EXT1: variants seen among roughly 807,000 people sequenced by gnomAD.
The protein encoded by EXT1 is exostosin glycosyltransferase 1, also known as exostosin-1.
Under a neutral mutation model 82.5 loss-of-function variants are expected in EXT1, and 20 were observed. The ratio of observed to expected loss-of-function variants is 0.24; its 90% CI spans 0.17 to 0.35. EXT1 has a LOEUF of 0.35. Among genes scored for constraint, EXT1 ranks in the 10% least tolerant of loss-of-function variants. The pLI is 1.00. For synonymous variants in EXT1, 348 were observed against 350.8 expected, an observed-to-expected ratio of 0.99 and a Z score of 0.09; for missense variants, 757 against 936.5, an observed-to-expected ratio of 0.81 and a Z score of 2.50.
chr8:118,021,857 A>C (rs1816108283), intron 1 of EXT1, among the ~76,000 whole-genome samples: 1 of 152,156 alleles, frequency 6.6e-6, no homozygotes, highest in East Asian at 1.9e-4. Context: ...AAGTGAAATT[A>C]TCTCCTTCTA....
intron 1 of EXT1, among the ~76,000 whole-genome samples, chr8:117,921,293 A>G (rs1457685826): frequency 6.6e-6 from 1 of 152,186 alleles, no homozygotes; most frequent in East Asian, 1.9e-4. Flanking sequence ...CAAGCACCTT[A>G]CAGATACTAC....
chr8:117,988,837 T>C (rs552718459), intron 1 of EXT1, among the ~76,000 whole-genome samples: 6 of 152,118 alleles, frequency 3.9e-5, no homozygotes, highest in Non-Finnish European at 8.8e-5. Flanking sequence ...CAACCCAGAA[T>C]TGGACAAGTG....
At chr8:118,042,618 C>T (rs1178120728) in intron 1 of EXT1, among the ~76,000 whole-genome samples, 2 of 152,132 alleles carry the variant, frequency 1.3e-5, no homozygotes, top group East Asian at 3.9e-4. Flanking sequence ...TTTTTTAATT[C>T]CAGTACTCCT....
chr8:117,843,633 C>G (rs1040442660), intron 1 of EXT1, among the ~76,000 whole-genome samples: 1 of 152,056 alleles, frequency 6.6e-6, no homozygotes, highest in Non-Finnish European at 1.5e-5. Context: ...TATGACATCT[C>G]CTAGAGCTCA....
At chr8:117,842,359 G>C (rs1414418600) in intron 1 of EXT1, among the ~76,000 whole-genome samples, 1 of 152,160 alleles carries the variant, frequency 6.6e-6, no homozygotes, top group East Asian at 1.9e-4. Context: ...ATAAAAGGTA[G>C]CTATTATCAT....
At chr8:117,842,487 C>T (rs1325425688) in intron 1 of EXT1, among the ~76,000 whole-genome samples, 2 of 152,200 alleles carry the variant, frequency 1.3e-5, no homozygotes, top group Non-Finnish European at 2.9e-5. Context: ...CCCAGCAAAT[C>T]ATTCAACTTC....
chr8:118,082,305 C>CA (rs1172544680), intron 1 of EXT1, among the ~76,000 whole-genome samples: 12 of 152,210 alleles, frequency 7.9e-5, no homozygotes, highest in Admixed American at 7.8e-4. Flanking sequence ...CACCATAACA[C>CA]AATGCAAAAA....
chr8:117,883,551 C>G (rs903962951), intron 1 of EXT1, among the ~76,000 whole-genome samples: 1 of 152,248 alleles, frequency 6.6e-6, no homozygotes, highest in African/African-American at 2.4e-5. Flanking sequence ...ATCCTTGAGT[C>G]CACTCAGTCT....
In EXT1 at chr8:117,830,339, G is replaced by T. The variant is rs374821962; in HGVS notation, c.1175C>A (p.Thr392Lys). The change falls in exon 4 of 11, where the codon ACA (threonine) becomes AAA (lysine). Residue 392 changes from threonine to lysine, a missense_variant. Thr to Lys is a moderately conservative substitution (Grantham distance 78, BLOSUM62 -1). Transcript: ENST00000378204. Reference protein sequence around the residue: ...DERLLLQIPSTIRSIHQDKIL... With the variant: ...DERLLLQIPSKIRSIHQDKIL... ...TTTATCCTGATGAATAGACCTGATT[G>T]TAGAAGGAATCTGTAACACAAGGTG... 6.2e-7 allele frequency: 1 copy of T among 1,614,010 alleles called. No homozygotes were observed.
chr8:117,897,207 T>C lies in EXT1; in HGVS notation c.963-60006A>G, dbSNP rs545217362. On this transcript the variant is annotated intron_variant, in intron 1 of 10. Coordinates refer to ENST00000378204, the MANE Select transcript of EXT1 (RefSeq NM_000127.3). ...GCATGTGGCTTTATCCCCTGTAACC[T>C]AGAGCTTGTAGAAATGAGAAAATTA... Among the ~76,000 whole-genome samples, 71 of 152,330 alleles carry C rather than the reference T, an allele frequency of 4.7e-4. 2 individuals carry two copies. Among genetic ancestry groups the C allele is most frequent in the South Asian group, 2.1e-4 (1 of 4,822 alleles).
At chr8:117,885,828 C>T (rs994324663) in intron 1 of EXT1, among the ~76,000 whole-genome samples, 2 of 152,180 alleles carry the variant, frequency 1.3e-5, no homozygotes, top group Admixed American at 6.5e-5. Flanking sequence ...TCCACATGTA[C>T]ACCTGGGGGC....
chr8:117,891,161 A>G (rs1813234710), intron 1 of EXT1, among the ~76,000 whole-genome samples: 1 of 152,234 alleles, frequency 6.6e-6, no homozygotes, highest in Admixed American at 6.5e-5. Context: ...AAGAACACCA[A>G]AAGGCCTTTC....
At chr8:117,827,087 C>T (rs1015569084) in intron 4 of EXT1, among the ~76,000 whole-genome samples, 18 of 152,144 alleles carry the variant, frequency 1.2e-4, no homozygotes, top group Admixed American at 1.1e-3. Context: ...ATCTGTAAGA[C>T]TGACAAGAGC....
intron 1 of EXT1, among the ~76,000 whole-genome samples, chr8:118,057,224 A>G (rs1260448877): frequency 6.6e-6 from 1 of 152,164 alleles, no homozygotes; most frequent in Non-Finnish European, 1.5e-5. Context: ...CTGGGCCATA[A>G]CAAGTCTCCT....
intron 8 of EXT1, among the ~76,000 whole-genome samples, chr8:117,809,668 A>G (rs1383271524): frequency 2.0e-5 from 3 of 151,580 alleles, no homozygotes; most frequent in East Asian, 3.9e-4. Context: ...CGGGGAAAAA[A>G]CCCGGGTGGT....
intron 1 of EXT1, among the ~76,000 whole-genome samples, chr8:117,927,403 G>C (rs1563603651): frequency 6.9e-6 from 1 of 145,116 alleles, no homozygotes; most frequent in African/African-American, 2.6e-5. Flanking sequence ...CTTTAAGCTA[G>C]ATTCCTCTGG....
chr8:117,817,599 G>A (rs778134952), intron 7 of EXT1, among the ~76,000 whole-genome samples: 8 of 152,080 alleles, frequency 5.3e-5, no homozygotes, highest in Non-Finnish European at 1.0e-4. Context: ...GGGGCTTAAA[G>A]AATATATGGG....
At chr8:117,808,572 C>T (rs1036247065) in intron 8 of EXT1, among the ~76,000 whole-genome samples, 1 of 152,202 alleles carries the variant, frequency 6.6e-6, no homozygotes, top group Middle Eastern at 3.4e-3. Context: ...TTATCTTTGC[C>T]GTATCTCTTC....
chr8:118,016,043 C>G (rs949712580), intron 1 of EXT1, among the ~76,000 whole-genome samples: 1 of 152,222 alleles, frequency 6.6e-6, no homozygotes, highest in African/African-American at 2.4e-5. Flanking sequence ...CTGCTAACAC[C>G]TTGATTCTGG....
Sources: allele counts gnomAD v4.1 joint callset (sites outside exome capture counted in the v4.1 genomes callset), GRCh38; gene constraint gnomAD v4.1.1; transcripts MANE v1.5; gene names NCBI Gene and HGNC (gene_info 2026-07-23, HGNC 2026-07-21).